The following ADGRF4 variants were observed in gnomAD, a reference collection of about 807,000 sequenced individuals.
ADGRF4 encodes the protein G-protein coupled receptor PGR18.
ADGRF4 carries 63 observed loss-of-function variants against 58.5 expected under a neutral mutation model. The ratio of observed to expected loss-of-function variants is 1.08; its 90% CI spans 0.88 to 1.33. The LOEUF (loss-of-function observed/expected upper bound fraction) is 1.33. ADGRF4 is among the 40% of genes most tolerant of loss of function. The pLI is 0.00. For synonymous variants in ADGRF4, 313 were observed against 295.4 expected, an observed-to-expected ratio of 1.06 and a Z score of -0.61; for missense variants, 931 against 843.9, an observed-to-expected ratio of 1.10 and a Z score of -1.28.
Position 47,718,539 on chromosome 6 carries a change from C to T in ADGRF4, c.*3+94C>T, listed in dbSNP as rs139293188. On this transcript the variant is annotated intron_variant, in intron 9 of 9. Transcript: ENST00000283303. ...CCACACTATTGCCTGCTACGTGCTG[C>T]CAGAATGAGGTGGGAGGGGAAGAGG... is the stretch of plus-strand genomic sequence containing the variant. 37 of 774,270 alleles carry T rather than the reference C, an allele frequency of 4.8e-5. No homozygotes were observed. The African/African-American group carries it at 5.3e-4, about 11-fold the overall frequency. 48.0% of individuals were successfully genotyped at this position (774,270 alleles called of 1,614,324 possible). A position where few individuals can be genotyped will look rare whatever the true frequency, so the allele number is the denominator to read the frequency against.
Position 47,702,736 on chromosome 6 carries a change from A to G in ADGRF4, c.-17+3942A>G, listed in dbSNP as rs533895181. On this transcript the variant is annotated intron_variant, in intron 1 of 9. Coordinates refer to ENST00000283303, the MANE Select transcript of ADGRF4 (RefSeq NM_153838.5). ...CCATACACAGAGGGTTTATAAAGAT[A>G]GAGAATATAAGAGAATACACAATTT... 9.2e-5 allele frequency among the ~76,000 whole-genome samples: 14 copies of G among 152,366 alleles called. No individual in the cohort carries two copies. In the Middle Eastern group the frequency reaches 0.02, roughly 222 times the overall value.
In ADGRF4 at chr6:47,717,342, G is replaced by A. The variant is rs201553500; in HGVS notation, c.2025G>A (p.Arg675=). ...TGTCTTCACTGAAGGGGAAATCGAG[G>A]GCAGCTGAGGTAAGCCTTCCCCTTT... ...MRMSSLKGKS[R]AAENASLGPT... is the part of the protein sequence containing the mutation. The change falls in exon 8 of 10, where the codon AGG becomes AGA. Residue 675 remains arginine, a synonymous_variant. Coordinates refer to ENST00000283303, the MANE Select transcript of ADGRF4 (RefSeq NM_153838.5). The A allele has an allele frequency of 1.7e-5, 28 of 1,610,208 alleles. No individual in the cohort carries two copies. The Admixed American group carries it at 3.5e-4, about 20-fold the overall frequency.
At chr6:47,720,600 G>T (rs114480551) in intron 9 of ADGRF4, among the ~76,000 whole-genome samples, 1 of 152,116 alleles carries the variant, frequency 6.6e-6, no homozygotes, top group Non-Finnish European at 1.5e-5. Flanking sequence ...GATTCTCATT[G>T]GGAACCCCAT....
At chr6:47,709,095 G>C (rs1029488681) in intron 3 of ADGRF4, among the ~76,000 whole-genome samples, 2 of 150,880 alleles carry the variant, frequency 1.3e-5, no homozygotes, top group Non-Finnish European at 2.9e-5. Context: ...GGCAAAGCTT[G>C]GTTCCTTTTC....
chr6:47,711,238 G>T (rs1344476841), intron 4 of ADGRF4, among the ~76,000 whole-genome samples: 1 of 152,066 alleles, frequency 6.6e-6, no homozygotes, highest in African/African-American at 2.4e-5. Context: ...TCAACTAAAT[G>T]TATCTAGGAT....
intron 1 of ADGRF4, among the ~76,000 whole-genome samples, chr6:47,704,962 T>A (rs1296181494): frequency 6.6e-6 from 1 of 152,140 alleles, no homozygotes; most frequent in African/African-American, 2.4e-5. Flanking sequence ...GGAGTCTCCA[T>A]CTGTCACTCA....
chr6:47,720,597 A>G (rs1772135321), intron 9 of ADGRF4, among the ~76,000 whole-genome samples: 2 of 152,158 alleles, frequency 1.3e-5, no homozygotes, highest in South Asian at 2.1e-4. Flanking sequence ...ATAGATTCTC[A>G]TTGGGAACCC....
In ADGRF4 at chr6:47,714,197, G is replaced by T. The variant is rs1294978876; in HGVS notation, c.952G>T (p.Gly318Cys). Residue 318 changes from glycine to cysteine, a missense_variant, in exon 6 of 10, where the codon GGT (glycine) becomes TGT (cysteine). Coordinates refer to ENST00000283303, the MANE Select transcript of ADGRF4 (RefSeq NM_153838.5). ...TGTGAGTCTTCCCAGACAGGTAAAT[G>T]GTCTGGTGCTATCAGTGGTTTTACC... Reference protein sequence around the residue: ...QNVSLPRQVNGLVLSVVLPER... With the variant: ...QNVSLPRQVNCLVLSVVLPER... 6.2e-7 allele frequency: 1 copy of T among 1,614,048 alleles called. No homozygotes were observed. Among genetic ancestry groups the T allele is most frequent in the East Asian group, 2.2e-5 (1 of 44,888 alleles).
rs149478777 is a variant in ADGRF4, at chr6:47,717,348, T to G, written c.2031T>G (p.Ala677=). The change falls in exon 8 of 10, where the codon GCT becomes GCG. Residue 677 remains alanine (A), a synonymous_variant. Coordinates refer to ENST00000283303, the MANE Select transcript of ADGRF4 (RefSeq NM_153838.5). ...CACTGAAGGGGAAATCGAGGGCAGC[T>G]GAGGTAAGCCTTCCCCTTTTAGTCT... ...MSSLKGKSRA[A]ENASLGPTNG... is the part of the protein sequence containing the mutation. 738 of 1,608,342 alleles carry G rather than the reference T, an allele frequency of 4.6e-4. No homozygotes were observed. The highest frequency in any genetic ancestry group is 5.7e-4 in the Non-Finnish European group (675 of 1,174,790).
intron 4 of ADGRF4, 46 bp from the exon 5 acceptor site, chr6:47,712,311 T>C: frequency 6.3e-7 from 1 of 1,590,924 alleles, no homozygotes; most frequent in Non-Finnish European, 8.6e-7. Flanking sequence ...TGATACATGG[T>C]AGGTACTTAA....
chr6:47,712,045 T>G (rs1436160084), intron 4 of ADGRF4, among the ~76,000 whole-genome samples: 3 of 152,164 alleles, frequency 2.0e-5, no homozygotes, highest in African/African-American at 7.2e-5. Context: ...CCCCATGAAA[T>G]TCCATGTGGT....
intron 8 of ADGRF4, among the ~76,000 whole-genome samples, chr6:47,717,901 A>G (rs1212207889): frequency 3.9e-5 from 6 of 152,220 alleles, no homozygotes; most frequent in African/African-American, 1.2e-4. Context: ...GGGCCTGGCT[A>G]TCAGTCTCTT....
intron 5 of ADGRF4, 148 bp downstream of exon 5, chr6:47,712,756 A>G (rs771668055): frequency 4.7e-6 from 3 of 632,280 alleles, no homozygotes; most frequent in South Asian, 4.0e-5. Flanking sequence ...ATATTGATTC[A>G]TTATAGTTTA....
intron 1 of ADGRF4, among the ~76,000 whole-genome samples, chr6:47,700,447 C>T (rs1381557539): frequency 6.6e-6 from 1 of 152,128 alleles, no homozygotes; most frequent in African/African-American, 2.4e-5. Flanking sequence ...AAATCTGCTC[C>T]AGGTACAAGC....
chr6:47,716,727 T>C lies in ADGRF4; in HGVS notation c.1933-79T>C, dbSNP rs114417266. 1.7e-3 allele frequency: 1,800 copies of C among 1,076,436 alleles called. 18 individuals are homozygous for C. Among genetic ancestry groups the C allele is most frequent in the African/African-American group, 0.013 (814 of 63,878 alleles). The allele number at this position is 1,076,436 out of a possible 1,614,324, so 66.7% of individuals were successfully genotyped here. ...TCCAATAACTGCCCTAGGAGGTATCTAGAAGAGCGGTATGAAAATAACAGC... is the reference window on the plus strand; with the variant it reads ...TCCAATAACTGCCCTAGGAGGTATCCAGAAGAGCGGTATGAAAATAACAGC... On this transcript the variant is annotated intron_variant, in intron 6 of 9. Transcript: ENST00000283303.
At position 47,712,578 on chromosome 6, in the gene ADGRF4, GTCTGATAATGTTACTCGAGA is replaced by G; in HGVS notation, c.523_542del (p.Ser175GlufsTer6). The G allele has an allele frequency of 6.3e-7, 1 of 1,581,196 alleles. No individual in the cohort carries two copies. The highest frequency in any genetic ancestry group is 8.7e-7 in the Non-Finnish European group (1 of 1,150,164). On this transcript the variant is annotated frameshift_variant, in exon 5 of 10. Coordinates refer to ENST00000283303, the MANE Select transcript of ADGRF4 (RefSeq NM_153838.5). LOFTEE classifies it high-confidence loss of function. ...TATTAAAAAATATTTCTACAGACTT[GTCTGATAATGTTACTCGAGA>G]GAAAATGAAGGTATTCTTTGTTAAT...
intron 4 of ADGRF4, 43 bp downstream of exon 4, chr6:47,710,929 A>T: frequency 6.4e-7 from 1 of 1,573,414 alleles, no homozygotes; most frequent in Admixed American, 1.8e-5. Context: ...CCAATCCCCC[A>T]GCAGAAAGTA....
Position 47,700,057 on chromosome 6 carries a change from T to C in ADGRF4, c.-17+1263T>C, listed in dbSNP as rs115711870. On this transcript the variant is annotated intron_variant, in intron 1 of 9. Transcript: ENST00000283303. ...GGGAGTAAGAGGCGAATTGCCACCT[T>C]GAAGACTGGCAAAAAAGTGAGAAGA... 4.3e-3 allele frequency among the ~76,000 whole-genome samples: 659 copies of C among 152,268 alleles called. 3 individuals carry two copies. Among genetic ancestry groups the C allele is most frequent in the African/African-American group, 0.014 (575 of 41,560 alleles).
intron 1 of ADGRF4, among the ~76,000 whole-genome samples, chr6:47,704,662 A>T (rs1314455562): frequency 6.6e-6 from 1 of 152,120 alleles, no homozygotes; most frequent in Non-Finnish European, 1.5e-5. Context: ...GAGTCTTGTG[A>T]ATTAAACTTA....
Sources: allele counts gnomAD v4.1 joint callset (sites outside exome capture counted in the v4.1 genomes callset), GRCh38; gene constraint gnomAD v4.1.1; transcripts MANE v1.5; gene names NCBI Gene and HGNC (gene_info 2026-07-23, HGNC 2026-07-21).